The following MAP6D1 variants were observed in gnomAD, a reference collection of about 807,000 sequenced individuals.
MAP6D1 encodes the protein MAP6 domain-containing protein 1.
MAP6D1 carries 13 observed loss-of-function variants against 17.4 expected under a neutral mutation model. The observed-to-expected ratio is 0.75, with a 90% confidence interval of 0.49 to 1.19. MAP6D1 has a LOEUF of 1.19. Ranked by LOEUF, MAP6D1 falls within the 50% of genes most tolerant of loss-of-function variation. The pLI is 0.00. For missense variants in MAP6D1, 313 were observed against 312.6 expected (o/e 1.00, Z -0.01); for synonymous variants, 141 against 145.7 (o/e 0.97, Z 0.23).
chr3:183,823,048 G>A (rs1246993904), intron 1 of MAP6D1, among the ~76,000 whole-genome samples: 1 of 152,218 alleles, frequency 6.6e-6, no homozygotes, highest in Non-Finnish European at 1.5e-5. Context: ...TAGGTGGAGT[G>A]CAGTGGCACA....
chr3:183,818,261 A>C, intron 1 of MAP6D1, 150 bp from the exon 2 acceptor site: 1 of 687,392 alleles, frequency 1.5e-6, no homozygotes, highest in African/African-American at 1.8e-5. Context: ...CAAAGACAGA[A>C]CTGGCAAGGC....
chr3:183,818,965 C>T (rs1727184140), intron 1 of MAP6D1, among the ~76,000 whole-genome samples: 1 of 152,242 alleles, frequency 6.6e-6, no homozygotes, highest in Admixed American at 6.5e-5. Flanking sequence ...CAAAAGGGAC[C>T]TCCTTTAATT....
chr3:183,816,429 T>A lies in MAP6D1; in HGVS notation c.*927A>T, dbSNP rs1163251034. 1 of 152,174 alleles carries A rather than the reference T, an allele frequency of 6.6e-6. No homozygotes were observed. Among genetic ancestry groups the A allele is most frequent in the Admixed American group, 6.5e-5 (1 of 15,274 alleles). The allele number at this position is 152,174 out of a possible 1,614,324, so 9.4% of individuals were successfully genotyped here. A position where few individuals can be genotyped will look rare whatever the true frequency, so the allele number is the denominator to read the frequency against. On this transcript the variant is annotated 3_prime_UTR_variant, in exon 3 of 3. Transcript: ENST00000318631. The stretch of plus-strand genomic sequence containing the variant: ...CCCATGTGGCCATGCTGGCTGGAAT[T>A]TACGGAGGAAGTTAGGAGAGAGCTT...
At chr3:183,819,664 G>A (rs973327630) in intron 1 of MAP6D1, among the ~76,000 whole-genome samples, 1 of 152,202 alleles carries the variant, frequency 6.6e-6, no homozygotes, top group African/African-American at 2.4e-5. Context: ...TGCCTGCTGT[G>A]CCCCCATACA....
chr3:183,818,356 G>C (rs139884635), intron 1 of MAP6D1, among the ~76,000 whole-genome samples: 2 of 152,338 alleles, frequency 1.3e-5, no homozygotes, highest in East Asian at 3.9e-4. Flanking sequence ...TGGGAAATCT[G>C]GGCTCACCCC....
rs1727134158 is a variant in MAP6D1 at position 183,817,253 on chromosome 3, G to A, written c.*103C>T. The A allele has an allele frequency of 2.2e-5, 26 of 1,192,118 alleles. No individual in the cohort carries two copies. The highest frequency in any genetic ancestry group is 2.7e-4 in the Middle Eastern group (1 of 3,718). 73.8% of individuals were successfully genotyped at this position (1,192,118 alleles called of 1,614,324 possible). On this transcript the variant is annotated 3_prime_UTR_variant, in exon 3 of 3. Coordinates refer to ENST00000318631, the MANE Select transcript of MAP6D1 (RefSeq NM_024871.4). ...GCTTTGAGAGGGGCTGTGCCCTCCCGCAGGGGCCCATGCCATGCTCTCGCC... is the reference window on the plus strand; with the variant it reads ...GCTTTGAGAGGGGCTGTGCCCTCCCACAGGGGCCCATGCCATGCTCTCGCC...
In MAP6D1 at chr3:183,817,454, G is replaced by A. The variant is rs200232820; in HGVS notation, c.520-18C>T. 279 of 1,553,704 alleles carry A rather than the reference G, an allele frequency of 1.8e-4. 1 individual carries two copies. In the East Asian group the frequency reaches 2.7e-3, roughly 15 times the overall value. ...TCTGGGACCTGAAAAATGAAGTGTGGCCACATATCAGTGGGACTTTTCCTT... is the reference window on the plus strand; with the variant it reads ...TCTGGGACCTGAAAAATGAAGTGTGACCACATATCAGTGGGACTTTTCCTT... On this transcript the variant is annotated intron_variant, in intron 2 of 2. Coordinates refer to ENST00000318631, the MANE Select transcript of MAP6D1 (RefSeq NM_024871.4).
chr3:183,819,836 G>A (rs888278568), intron 1 of MAP6D1, among the ~76,000 whole-genome samples: 5 of 152,230 alleles, frequency 3.3e-5, no homozygotes, highest in South Asian at 2.1e-4. Context: ...GTGAGTCTTC[G>A]TTTCGGGCAC....
intron 1 of MAP6D1, among the ~76,000 whole-genome samples, chr3:183,822,733 G>A (rs1044520696): frequency 7.2e-5 from 11 of 152,210 alleles, no homozygotes; most frequent in Non-Finnish European, 5.9e-5. Context: ...GGGCAACACT[G>A]AGCCGCAGCG....
intron 1 of MAP6D1, among the ~76,000 whole-genome samples, chr3:183,822,127 C>G (rs1727271981): frequency 6.6e-6 from 1 of 152,086 alleles, no homozygotes; most frequent in African/African-American, 2.4e-5. Flanking sequence ...AAAAACCAAG[C>G]TGGGCACAGT....
At position 183,816,865 on chromosome 3, in the gene MAP6D1, C is replaced by CG. The variant is rs1268022327; in HGVS notation, c.*490dup. 1.8e-5 allele frequency: 3 copies of CG among 163,060 alleles called. No individual in the cohort carries two copies. The highest frequency in any genetic ancestry group is 7.2e-5 in the African/African-American group (3 of 41,506). 10.1% of individuals were successfully genotyped at this position (163,060 alleles called of 1,614,324 possible). ...GCATCACCATGAGTCATGCAGGTGACGGCCCAAGATTCCAACAGCTTCAAC... is the reference window on the plus strand; with the variant it reads ...GCATCACCATGAGTCATGCAGGTGACGGGCCCAAGATTCCAACAGCTTCAAC... On this transcript the variant is annotated 3_prime_UTR_variant, in exon 3 of 3. Transcript: ENST00000318631.
In MAP6D1 at chr3:183,825,135, C is replaced by A; in HGVS notation, c.401+12G>T. On this transcript the variant is annotated intron_variant, in intron 1 of 2. Transcript: ENST00000318631. ...GGGTGGGGACTCGTTGCGGTCCCTA[C>A]CCAGCCCATACCTGTACGACGTGGT... 3.5e-6 allele frequency: 5 copies of A among 1,416,280 alleles called. No individual in the cohort carries two copies. Among genetic ancestry groups the A allele is most frequent in the Non-Finnish European group, 4.6e-6 (5 of 1,079,838 alleles). The allele number at this position is 1,416,280 out of a possible 1,614,324, so 87.7% of individuals were successfully genotyped here.
intron 1 of MAP6D1, among the ~76,000 whole-genome samples, chr3:183,823,218 T>C (rs1213713678): frequency 2.0e-5 from 3 of 152,116 alleles, no homozygotes; most frequent in African/African-American, 7.2e-5. Flanking sequence ...GGTCTTGAAC[T>C]CCTGGGCTCA....
chr3:183,817,742 C>T (rs1727150911), intron 2 of MAP6D1, among the ~76,000 whole-genome samples: 1 of 152,108 alleles, frequency 6.6e-6, no homozygotes, highest in South Asian at 2.1e-4. Context: ...CAGTCACTAG[C>T]GTTCAGTGGC....
intron 1 of MAP6D1, among the ~76,000 whole-genome samples, chr3:183,822,879 G>C: frequency 6.6e-6 from 1 of 152,246 alleles, no homozygotes; most frequent in East Asian, 1.9e-4. Context: ...AGCTTGCAGG[G>C]AGACAGCTTC....
chr3:183,821,601 A>G (rs1270238462), intron 1 of MAP6D1, among the ~76,000 whole-genome samples: 1 of 134,200 alleles, frequency 7.5e-6, no homozygotes, highest in East Asian at 2.2e-4. Context: ...GCAGGAGTGC[A>G]GTGGCTCTAT....
intron 1 of MAP6D1, among the ~76,000 whole-genome samples, chr3:183,819,756 T>A (rs1039024630): frequency 6.6e-6 from 1 of 152,224 alleles, no homozygotes; most frequent in South Asian, 2.1e-4. Context: ...TTCAGACACA[T>A]TCCTCAACTT....
At chr3:183,820,950 C>G (rs1243954718) in intron 1 of MAP6D1, among the ~76,000 whole-genome samples, 1 of 151,240 alleles carries the variant, frequency 6.6e-6, no homozygotes, top group Non-Finnish European at 1.5e-5. Context: ...CAAAAATTAG[C>G]TGGGTGTGGT....
Position 183,817,254 on chromosome 3 carries a change from C to T in MAP6D1, c.*102G>A. 8.3e-7 allele frequency: 1 copy of T among 1,206,404 alleles called. No individual in the cohort carries two copies. Among genetic ancestry groups the T allele is most frequent in the Non-Finnish European group, 1.2e-6 (1 of 839,242 alleles). 74.7% of individuals were successfully genotyped at this position (1,206,404 alleles called of 1,614,324 possible). On this transcript the variant is annotated 3_prime_UTR_variant, in exon 3 of 3. Coordinates refer to ENST00000318631, the MANE Select transcript of MAP6D1 (RefSeq NM_024871.4). ...CTTTGAGAGGGGCTGTGCCCTCCCG[C>T]AGGGGCCCATGCCATGCTCTCGCCC...
Sources: allele counts gnomAD v4.1 joint callset (sites outside exome capture counted in the v4.1 genomes callset), GRCh38; gene constraint gnomAD v4.1.1; transcripts MANE v1.5; gene names NCBI Gene and HGNC (gene_info 2026-07-23, HGNC 2026-07-21).